The following ADAMTS20 variants were observed in gnomAD, a reference collection of about 807,000 sequenced individuals.
ADAMTS20 encodes A disintegrin and metalloproteinase with thrombospondin motifs 20.
In ADAMTS20, 225 loss-of-function variants were observed where a neutral mutation model predicts 260.1. The ratio of observed to expected loss-of-function variants is 0.87; its 90% confidence interval spans 0.78 to 0.97. The LOEUF (loss-of-function observed/expected upper bound fraction) is 0.97. ADAMTS20 is among the 50% of genes least tolerant of loss of function. The pLI is 0.00. For synonymous variants in ADAMTS20, 802 were observed against 769.5 expected (o/e 1.04, Z -0.70); for missense variants, 2,400 against 2,337.7 (o/e 1.03, Z -0.55).
At chr12:43,359,563 G>A (rs1430305887) in intron 37 of ADAMTS20, among the ~76,000 whole-genome samples, 1 of 152,122 alleles carries the variant, frequency 6.6e-6, no homozygotes, top group African/African-American at 2.4e-5. Flanking sequence ...TACAAAAGAA[G>A]AATGAAGCTG....
chr12:43,538,354 T>A (rs555544352), intron 2 of ADAMTS20, among the ~76,000 whole-genome samples: 3 of 152,382 alleles, frequency 2.0e-5, no homozygotes, highest in Non-Finnish European at 4.4e-5. Flanking sequence ...GCCCATTTTT[T>A]GATCAAATTA....
chr12:43,479,039 T>C (rs1942401986), intron 7 of ADAMTS20, among the ~76,000 whole-genome samples: 1 of 152,128 alleles, frequency 6.6e-6, no homozygotes, highest in Non-Finnish European at 1.5e-5. Flanking sequence ...TGTAGAGTAT[T>C]TAGTGTCTGG....
chr12:43,432,429 A>T lies in ADAMTS20; in HGVS notation c.2971T>A (p.Ser991Thr), dbSNP rs756976004. ...TGGCCAAAGTTATTCATACAATAAG[A>T]TTCTCGAGACCTTTCCCCTCCTCCA... is the stretch of plus-strand genomic sequence containing the variant. ...SCGGGERSRESYCMNNFGHRL... is the reference protein window; with the variant it reads ...SCGGGERSRETYCMNNFGHRL... The change falls in exon 21 of 39, where the codon TCT (serine) becomes ACT (threonine). Residue 991 changes from serine to threonine, a missense_variant. Ser to Thr is a moderately conservative substitution (Grantham distance 58). Coordinates refer to ENST00000389420, the MANE Select transcript of ADAMTS20 (RefSeq NM_025003.5). 1 of 1,613,694 alleles carries T rather than the reference A, an allele frequency of 6.2e-7. No individual in the cohort carries two copies. The highest frequency in any genetic ancestry group is 8.5e-7 in the Non-Finnish European group (1 of 1,179,824).
At chr12:43,474,086 C>T (rs1048127427) in intron 7 of ADAMTS20, among the ~76,000 whole-genome samples, 11 of 151,388 alleles carry the variant, frequency 7.3e-5, no homozygotes, top group South Asian at 2.1e-4. Context: ...ATTGATAGAC[C>T]GCTAGCAAGA....
chr12:43,360,601 T>C (rs981681629), intron 37 of ADAMTS20, among the ~76,000 whole-genome samples: 1 of 152,024 alleles, frequency 6.6e-6, no homozygotes, highest in East Asian at 1.9e-4. Context: ...TAATAATCCA[T>C]AAAGAAGACA....
intron 7 of ADAMTS20, among the ~76,000 whole-genome samples, chr12:43,483,377 G>A (rs1252531012): frequency 6.6e-6 from 1 of 152,150 alleles, no homozygotes; most frequent in Non-Finnish European, 1.5e-5. Flanking sequence ...CCACCTGTGG[G>A]GAGTTTCAGC....
At chr12:43,365,641 T>G (rs1287336975) in intron 37 of ADAMTS20, among the ~76,000 whole-genome samples, 1 of 151,936 alleles carries the variant, frequency 6.6e-6, no homozygotes, top group Non-Finnish European at 1.5e-5. Context: ...TGCTCTATCT[T>G]CTCTCATATT....
intron 9 of ADAMTS20, among the ~76,000 whole-genome samples, chr12:43,466,407 T>A (rs1320327331): frequency 6.9e-6 from 1 of 144,518 alleles, no homozygotes; most frequent in East Asian, 2.3e-4. Flanking sequence ...AATAAAAAAA[T>A]AATAGCTAGG....
chr12:43,353,545 A>T (rs1939677613), downstream of ADAMTS20, among the ~76,000 whole-genome samples: 1 of 152,108 alleles, frequency 6.6e-6, no homozygotes, highest in Non-Finnish European at 1.5e-5. Context: ...TATACCCACA[A>T]AATTTTTTAT....
chr12:43,497,910 T>C (rs576544334), intron 4 of ADAMTS20, among the ~76,000 whole-genome samples: 1 of 152,240 alleles, frequency 6.6e-6, no homozygotes, highest in Non-Finnish European at 1.5e-5. Context: ...GTGGAAGTCT[T>C]TAATACTTAG....
At chr12:43,514,086 T>TAA (rs71091163) in intron 3 of ADAMTS20, among the ~76,000 whole-genome samples, 24 of 100,536 alleles carry the variant, frequency 2.4e-4, no homozygotes, top group African/African-American at 6.3e-4. Flanking sequence ...GAATAAACTC[T>TAA]AAAAAAAAAA....
chr12:43,490,261 C>A, intron 7 of ADAMTS20, 134 bp downstream of exon 7: 1 of 485,470 alleles, frequency 2.1e-6, no homozygotes, highest in Non-Finnish European at 3.6e-6. Flanking sequence ...AAATAAGTGA[C>A]AAGTGTAATA....
At chr12:43,433,104 T>C (rs1941481365) in intron 19 of ADAMTS20, among the ~76,000 whole-genome samples, 2 of 152,296 alleles carry the variant, frequency 1.3e-5, no homozygotes. Context: ...AGATAATAAC[T>C]GAACATATCT....
At chr12:43,386,994 C>T (rs772174464) in intron 29 of ADAMTS20, among the ~76,000 whole-genome samples, 2 of 152,192 alleles carry the variant, frequency 1.3e-5, no homozygotes, top group Non-Finnish European at 2.9e-5. Context: ...TCTGTCAAAT[C>T]GCCAAACTCA....
At chr12:43,517,971 G>A (rs1303030425) in intron 3 of ADAMTS20, among the ~76,000 whole-genome samples, 2 of 151,912 alleles carry the variant, frequency 1.3e-5, no homozygotes, top group Non-Finnish European at 2.9e-5. Flanking sequence ...CATTGCTATT[G>A]ATAATTTTAT....
intron 3 of ADAMTS20, among the ~76,000 whole-genome samples, chr12:43,528,658 A>T (rs376472091): frequency 2.6e-5 from 4 of 152,138 alleles, no homozygotes; most frequent in South Asian, 4.1e-4. Flanking sequence ...AAATCAACTC[A>T]AGATGGATTA....
In ADAMTS20 at chr12:43,532,056, A is replaced by G. The variant is rs772934618; in HGVS notation, c.593T>C (p.Leu198Pro). 1.4e-5 allele frequency: 22 copies of G among 1,601,722 alleles called. No individual in the cohort carries two copies. ...QDLNNSFLQT[L>P]KYCSVSESQI... ...TTTACCTGACACACTGCAATACTTCAGAGTCTGCAGAAAAGAGTTATTTAA... is the reference window on the plus strand; with the variant it reads ...TTTACCTGACACACTGCAATACTTCGGAGTCTGCAGAAAAGAGTTATTTAA... Residue 198 changes from leucine (L) to proline (P), a missense_variant, in exon 3 of 39, where the codon CTG (leucine) becomes CCG (proline). Physicochemically the swap from Leu to Pro is moderately conservative, Grantham distance 98 (BLOSUM62 -3). Transcript: ENST00000389420.
At chr12:43,513,935 A>G (rs1942960089) in intron 3 of ADAMTS20, among the ~76,000 whole-genome samples, 1 of 150,970 alleles carries the variant, frequency 6.6e-6, no homozygotes, top group African/African-American at 2.4e-5. Flanking sequence ...GGGGAGGGAT[A>G]GCATTAGGAG....
At chr12:43,376,427 C>T (rs1010614542) in intron 33 of ADAMTS20, 97 bp from the exon 34 acceptor site, 1 of 1,459,700 alleles carries the variant, frequency 6.9e-7, no homozygotes, top group African/African-American at 1.4e-5. Flanking sequence ...ATATCTGACA[C>T]TTTGTTTTGT....
Sources: allele counts gnomAD v4.1 joint callset (sites outside exome capture counted in the v4.1 genomes callset), GRCh38; gene constraint gnomAD v4.1.1; transcripts MANE v1.5; gene names NCBI Gene and HGNC (gene_info 2026-07-23, HGNC 2026-07-21).